NHLH2: variants seen among roughly 807,000 people sequenced by gnomAD.
NHLH2 encodes the protein helix-loop-helix protein 2.
Under a neutral mutation model 7.3 loss-of-function variants are expected in NHLH2, and 7 were observed. That is an observed-to-expected ratio of 0.96 (90% CI 0.55 to 1.81). The LOEUF is 1.81. Ranked by LOEUF, NHLH2 falls within the 40% of genes most tolerant of loss-of-function variation. NHLH2 has a pLI of 0.00. For missense variants in NHLH2, 155 were observed against 194.0 expected, an observed-to-expected ratio of 0.80 and a Z score of 1.19; for synonymous variants, 93 against 91.6, an observed-to-expected ratio of 1.01 and a Z score of -0.09.
Position 115,838,310 on chromosome 1 carries a change from C to G in NHLH2, c.63G>C (p.Pro21=), listed in dbSNP as rs1436484780. The change falls in exon 3 of 3, where the codon CCG becomes CCC. Residue 21 remains proline, a synonymous_variant. Coordinates refer to ENST00000320238, the MANE Select transcript of NHLH2 (RefSeq NM_005599.3). ...SDHPSSAHSD[P]ESLGGTDTKV... is the part of the protein sequence containing the mutation. ...TGGTGTCCGTGCCGCCCAGGGACTC[C>G]GGATCCGAGTGCGCCGAGCTGGGAT... 1 of 1,609,258 alleles carries G rather than the reference C, an allele frequency of 6.2e-7. No individual in the cohort carries two copies. Among genetic ancestry groups the G allele is most frequent in the African/African-American group, 1.3e-5 (1 of 74,650 alleles).
At chr1:115,836,198 A>G (rs1650867705), downstream of NHLH2, among the ~76,000 whole-genome samples, 4 of 152,192 alleles carry the variant, frequency 2.6e-5, no homozygotes, top group South Asian at 8.3e-4. Context: ...GCATCTATTT[A>G]TGGGACTGAT....
At position 115,837,719 on chromosome 1, in the gene NHLH2, G is replaced by T; in HGVS notation, c.*246C>A. On this transcript the variant is annotated 3_prime_UTR_variant, in exon 3 of 3. Coordinates refer to ENST00000320238, the MANE Select transcript of NHLH2 (RefSeq NM_005599.3). ...TCGGGTGTCTCCACGAGGTTCTCCTGGCCTGGAAAATCCCCCCTGCGAGCC... is the reference window on the plus strand; with the variant it reads ...TCGGGTGTCTCCACGAGGTTCTCCTTGCCTGGAAAATCCCCCCTGCGAGCC... 1 of 506,306 alleles carries T rather than the reference G, an allele frequency of 2.0e-6. No individual in the cohort carries two copies. The highest frequency in any genetic ancestry group is 3.4e-6 in the Non-Finnish European group (1 of 290,224). The allele number at this position is 506,306 out of a possible 1,614,324, so 31.4% of individuals were successfully genotyped here. A position where few individuals can be genotyped will look rare whatever the true frequency, so the allele number is the denominator to read the frequency against.
downstream of NHLH2, among the ~76,000 whole-genome samples, chr1:115,833,964 TGCTCTGGTGATACGTGTTCATG>T (rs1187018978): frequency 6.6e-6 from 1 of 152,098 alleles, no homozygotes; most frequent in Non-Finnish European, 1.5e-5. Flanking sequence ...CTTATCATAG[TGCTCTGGTGATACGTGTTCATG>T]GGGCAGGGCC....
In NHLH2 at chr1:115,837,080, A is replaced by G. The variant is rs541511384; in HGVS notation, c.*885T>C. The G allele has an allele frequency of 6.6e-6, 1 of 152,618 alleles. No homozygotes were observed. The highest frequency in any genetic ancestry group is 1.9e-4 in the East Asian group (1 of 5,192). 9.5% of individuals were successfully genotyped at this position (152,618 alleles called of 1,614,324 possible). Reference sequence around the variant, plus strand: ...TAAATTGGCACAGAGTATCCAAAGTAAAAGTATCACCACTCTGAAAAATAA... The same window carrying G: ...TAAATTGGCACAGAGTATCCAAAGTGAAAGTATCACCACTCTGAAAAATAA... On this transcript the variant is annotated 3_prime_UTR_variant, in exon 3 of 3. Transcript: ENST00000320238.
chr1:115,838,340 C>G lies in NHLH2; in HGVS notation c.33G>C (p.Ser11=). The G allele has an allele frequency of 6.2e-7, 1 of 1,609,434 alleles. No individual in the cohort carries two copies. Among genetic ancestry groups the G allele is most frequent in the South Asian group, 1.1e-5 (1 of 90,916 alleles). The change falls in exon 3 of 3, where the codon TCG becomes TCC. Residue 11 remains serine, a synonymous_variant. Transcript: ENST00000320238. ...CCGAGTGCGCCGAGCTGGGATGGTC[C>G]GAATCTGCTGCTTGGTCCGGACTCA... MMLSPDQAAD[S]DHPSSAHSDP...
rs1650882732 is a variant in NHLH2, at chr1:115,836,798, A to G, written c.*1167T>C. On this transcript the variant is annotated 3_prime_UTR_variant, in exon 3 of 3. Transcript: ENST00000320238. ...TGTAAAGGACTTCTCAGACATAACTACAGATAAGAATAATACACTTTTTAA... is the reference window on the plus strand; with the variant it reads ...TGTAAAGGACTTCTCAGACATAACTGCAGATAAGAATAATACACTTTTTAA... The G allele has an allele frequency of 6.6e-6, 1 of 152,134 alleles. No homozygotes were observed. The highest frequency in any genetic ancestry group is 1.5e-5 in the Non-Finnish European group (1 of 68,018). 9.4% of individuals were successfully genotyped at this position (152,134 alleles called of 1,614,324 possible). A position where few individuals can be genotyped will look rare whatever the true frequency, so the allele number is the denominator to read the frequency against.
chr1:115,837,727 A>C lies in NHLH2; in HGVS notation c.*238T>G. 3 of 509,256 alleles carry C rather than the reference A, an allele frequency of 5.9e-6. No individual in the cohort carries two copies. Among genetic ancestry groups the C allele is most frequent in the East Asian group, 3.8e-5 (1 of 26,096 alleles). The allele number at this position is 509,256 out of a possible 1,614,324, so 31.5% of individuals were successfully genotyped here. On this transcript the variant is annotated 3_prime_UTR_variant, in exon 3 of 3. Coordinates refer to ENST00000320238, the MANE Select transcript of NHLH2 (RefSeq NM_005599.3). ...CTCCACGAGGTTCTCCTGGCCTGGA[A>C]AATCCCCCCTGCGAGCCCCCGGGCT...
At chr1:115,832,881 T>C (rs973420768), downstream of NHLH2, among the ~76,000 whole-genome samples, 1 of 151,982 alleles carries the variant, frequency 6.6e-6, no homozygotes, top group Admixed American at 6.6e-5. Flanking sequence ...GGGGAGAGCA[T>C]TGTGAGTAAA....
chr1:115,835,666 T>C (rs762681298), downstream of NHLH2, among the ~76,000 whole-genome samples: 2 of 152,226 alleles, frequency 1.3e-5, no homozygotes, highest in Non-Finnish European at 2.9e-5. Context: ...GCATTTACTC[T>C]GAAACCAGAG....
At chr1:115,833,482 G>T (rs115284459), downstream of NHLH2, among the ~76,000 whole-genome samples, 2,332 of 152,256 alleles carry the variant, frequency 0.015, 23 homozygotes, top group Non-Finnish European at 0.025. Context: ...AGGCACCAAG[G>T]GGGGTGGTGT....
chr1:115,835,459 C>CA (rs1197778479), downstream of NHLH2, among the ~76,000 whole-genome samples: 1 of 152,172 alleles, frequency 6.6e-6, no homozygotes, highest in African/African-American at 2.4e-5. Flanking sequence ...TGTCCAGATA[C>CA]AAGGCAACAG....
Position 115,837,818 on chromosome 1 carries a change from AGGTAGCGAGCTTCTTCCCC to A in NHLH2, c.*128_*146del. On this transcript the variant is annotated 3_prime_UTR_variant, in exon 3 of 3. Transcript: ENST00000320238. ...CGTCGCCCTGCTGACCAGAGAGAAC[AGGTAGCGAGCTTCTTCCCC>A]GGCCGTCTCTCGAGGCGGCCGTCTC... The A allele has an allele frequency of 1.2e-6, 1 of 840,348 alleles. No individual in the cohort carries two copies. Among genetic ancestry groups the A allele is most frequent in the Non-Finnish European group, 1.8e-6 (1 of 570,040 alleles). 52.1% of individuals were successfully genotyped at this position (840,348 alleles called of 1,614,324 possible).
chr1:115,838,777 A>G (rs893466289), intron 2 of NHLH2: 1 of 201,040 alleles, frequency 5.0e-6, no homozygotes, highest in Non-Finnish European at 1.1e-5. Context: ...CCCTTCCCGG[A>G]CAAACGAGCG....
chr1:115,833,497 GT>G (rs1557827977), downstream of NHLH2, among the ~76,000 whole-genome samples: 2 of 152,002 alleles, frequency 1.3e-5, no homozygotes, highest in Admixed American at 6.6e-5. Flanking sequence ...TGGTGTGTGA[GT>G]GGCACAGCTA....
In NHLH2 at chr1:115,837,368, G is replaced by A. The variant is rs1287044407; in HGVS notation, c.*597C>T. On this transcript the variant is annotated 3_prime_UTR_variant, in exon 3 of 3. Transcript: ENST00000320238. ...CAGTGTGTCTACTTGTTCTCAATTT[G>A]TCTTTTTAAACTTACTAAATATTCA... 1.3e-5 allele frequency: 2 copies of A among 152,588 alleles called. No individual in the cohort carries two copies. The highest frequency in any genetic ancestry group is 1.3e-4 in the Admixed American group (2 of 15,278). 9.5% of individuals were successfully genotyped at this position (152,588 alleles called of 1,614,324 possible). A position where few individuals can be genotyped will look rare whatever the true frequency, so the allele number is the denominator to read the frequency against.
In NHLH2 at chr1:115,841,092, G is replaced by T. The variant is rs1210106952; in HGVS notation, c.-482C>A. ...AGAGCCAGAGCAAAGAGGCAGAGAT[G>T]CGTGTGTGGCTTCTGGGCTCTCCTG... On this transcript the variant is annotated 5_prime_UTR_variant, in exon 1 of 3. Transcript: ENST00000320238. 1 of 167,110 alleles carries T rather than the reference G, an allele frequency of 6.0e-6. No individual in the cohort carries two copies. The highest frequency in any genetic ancestry group is 2.4e-5 in the African/African-American group (1 of 41,454). The allele number at this position is 167,110 out of a possible 1,614,324, so 10.4% of individuals were successfully genotyped here.
At chr1:115,832,628 C>T (rs1156857458), downstream of NHLH2, among the ~76,000 whole-genome samples, 1 of 152,172 alleles carries the variant, frequency 6.6e-6, no homozygotes, top group African/African-American at 2.4e-5. Flanking sequence ...TGTTCAATGT[C>T]ATACACTTAG....
chr1:115,838,554 G>A (rs1244707375), intron 2 of NHLH2, 174 bp from the exon 3 acceptor site: 7 of 605,476 alleles, frequency 1.2e-5, no homozygotes, highest in South Asian at 2.6e-5. Context: ...GCCCGAGGGC[G>A]CGAGCCCTGC....
At position 115,838,333 on chromosome 1, in the gene NHLH2, G is replaced by T. The variant is rs746708756; in HGVS notation, c.40C>A (p.Pro14Thr). Reference protein sequence around the residue: ...SPDQAADSDHPSSAHSDPESL... With the variant: ...SPDQAADSDHTSSAHSDPESL... ...TCCGGATCCGAGTGCGCCGAGCTGG[G>T]ATGGTCCGAATCTGCTGCTTGGTCC... The change falls in exon 3 of 3, where the codon CCC becomes ACC. Residue 14 changes from proline to threonine, a missense_variant. Coordinates refer to ENST00000320238, the MANE Select transcript of NHLH2 (RefSeq NM_005599.3). The T allele has an allele frequency of 1.9e-6, 3 of 1,609,646 alleles. No homozygotes were observed. The highest frequency in any genetic ancestry group is 2.5e-6 in the Non-Finnish European group (3 of 1,179,410).
Sources: gnomAD v4.1 joint callset for allele counts (sites outside exome capture counted in the v4.1 genomes callset) on GRCh38, gnomAD v4.1.1 for gene constraint, MANE v1.5 for transcripts, NCBI Gene and HGNC (gene_info 2026-07-23, HGNC 2026-07-21) for gene names.